The following CYFIP1 variants were observed in gnomAD, a reference collection of about 807,000 sequenced individuals.
CYFIP1 encodes the protein cytoplasmic FMR1-interacting protein 1.
Under a neutral mutation model 163.5 loss-of-function variants are expected in CYFIP1, and 58 were observed. That is an observed-to-expected ratio of 0.35 (90% confidence interval 0.29 to 0.44). The LOEUF (loss-of-function observed/expected upper bound fraction) is 0.44, where lower values mean the gene tolerates loss of function less well. CYFIP1 is among the 20% of genes least tolerant of loss of function. CYFIP1 has a pLI of 1.00. For missense variants in CYFIP1, 1,338 were observed against 1,653.8 expected (o/e 0.81, Z 3.31); for synonymous variants, 663 against 660.7 (o/e 1.00, Z -0.05).
At chr15:22,941,830 C>G (rs2061902580) in intron 6 of CYFIP1, among the ~76,000 whole-genome samples, 2 of 152,116 alleles carry the variant, frequency 1.3e-5, no homozygotes, top group South Asian at 4.1e-4. Context: ...CAACAACACA[C>G]ACACACAACT....
chr15:22,962,535 A>AT (rs1057032230), intron 1 of CYFIP1, among the ~76,000 whole-genome samples: 32 of 151,774 alleles, frequency 2.1e-4, no homozygotes, highest in African/African-American at 6.3e-4. Context: ...AGTAGCTGGG[A>AT]TTACAGGTGT....
chr15:22,873,024 T>C (rs759003057), intron 29 of CYFIP1, 52 bp from the exon 30 acceptor site: 6 of 1,594,114 alleles, frequency 3.8e-6, no homozygotes, highest in African/African-American at 1.3e-5. Flanking sequence ...CGTTATGAAG[T>C]CTTTTCTCAG....
At chr15:22,919,698 C>T (rs1488482125) in intron 13 of CYFIP1, among the ~76,000 whole-genome samples, 1 of 152,102 alleles carries the variant, frequency 6.6e-6, no homozygotes. Context: ...GAACGCTGTA[C>T]CTAAGACTAA....
chr15:22,925,759 CA>C (rs1295580471), intron 13 of CYFIP1, among the ~76,000 whole-genome samples: 3 of 152,144 alleles, frequency 2.0e-5, no homozygotes, highest in African/African-American at 7.2e-5. Flanking sequence ...GACGCAGGTC[CA>C]GGAGTCCAGA....
At chr15:22,948,317 C>G (rs539767968) in intron 1 of CYFIP1, among the ~76,000 whole-genome samples, 1 of 151,894 alleles carries the variant, frequency 6.6e-6, no homozygotes, top group South Asian at 2.1e-4. Flanking sequence ...ACACCCCAAA[C>G]CCTGAGACCA....
chr15:22,952,389 C>T (rs945072340), intron 1 of CYFIP1, among the ~76,000 whole-genome samples: 2 of 152,030 alleles, frequency 1.3e-5, no homozygotes, highest in Non-Finnish European at 2.9e-5. Context: ...GACGCGGTGG[C>T]TCCAGCCTAT....
Position 22,912,227 on chromosome 15 carries a change from C to A in CYFIP1, c.2034G>T (p.Ala678=). The A allele has an allele frequency of 1.2e-6, 2 of 1,614,042 alleles. No individual in the cohort carries two copies. Among genetic ancestry groups the A allele is most frequent in the South Asian group, 2.2e-5 (2 of 91,042 alleles). The part of the protein sequence containing the change: ...LDLYNDSAHY[A]LTRFNKQFLY... ...GGAACTGCTTGTTGAACCTGGTGAG[C>A]GCGTAGTGGGCGCTGTCATTGTACA... Residue 678 remains alanine, a synonymous_variant, in exon 18 of 31, where the codon GCG becomes GCT. Transcript: ENST00000617928.
In CYFIP1 at chr15:22,881,841, C is replaced by T; in HGVS notation, c.2911+5G>A. On this transcript the variant is annotated splice_donor_5th_base_variant and intron_variant, in intron 25 of 30. Coordinates refer to ENST00000617928, the MANE Select transcript of CYFIP1 (RefSeq NM_014608.6). ...GCACTGTGAGCTCCACACGCCCGCACTCACCAGGAGAGCCGTACTCGTGCC... is the reference window on the plus strand; with the variant it reads ...GCACTGTGAGCTCCACACGCCCGCATTCACCAGGAGAGCCGTACTCGTGCC... The T allele has an allele frequency of 6.2e-7, 1 of 1,609,824 alleles. No homozygotes were observed. The highest frequency in any genetic ancestry group is 8.5e-7 in the Non-Finnish European group (1 of 1,179,860).
chr15:22,963,496 T>TAACATAACATAACATAACATAACATAA (rs1567038118), intron 1 of CYFIP1, among the ~76,000 whole-genome samples: 2 of 23,776 alleles, frequency 8.4e-5, no homozygotes, highest in Non-Finnish European at 2.1e-4. Flanking sequence ...GTTTCAAAAA[T>TAACATAACATAACATAACATAACATAA]AACATAACAT....
In CYFIP1 at chr15:22,868,343, T is replaced by G. The variant is rs1440580034; in HGVS notation, c.*1685A>C. On this transcript the variant is annotated 3_prime_UTR_variant, in exon 31 of 31. Transcript: ENST00000617928. ...TCCCCCTTGAGGACAGAGACTCATTTGAACATGCATAGGTTAATAAATAAT... is the reference window on the plus strand; with the variant it reads ...TCCCCCTTGAGGACAGAGACTCATTGGAACATGCATAGGTTAATAAATAAT... 1 of 151,746 alleles carries G rather than the reference T, an allele frequency of 6.6e-6. No homozygotes were observed. The highest frequency in any genetic ancestry group is 1.5e-5 in the Non-Finnish European group (1 of 67,960). 9.4% of individuals were successfully genotyped at this position (151,746 alleles called of 1,614,324 possible).
At chr15:22,924,764 C>T (rs2061304209) in intron 13 of CYFIP1, among the ~76,000 whole-genome samples, 1 of 152,056 alleles carries the variant, frequency 6.6e-6, no homozygotes, top group East Asian at 1.9e-4. Context: ...TATGAAAAAC[C>T]TTATGTCAAA....
rs140052263 is a variant in CYFIP1, at chr15:22,872,151, C to T, written c.3597+674G>A. 0.033 allele frequency among the ~76,000 whole-genome samples: 5,017 copies of T among 151,818 alleles called. 353 individuals are homozygous for T. The East Asian group carries it at 0.35, about 11-fold the overall frequency. ...AAAATTACAAAATACAAAAATCAGC[C>T]GGGCGTGGTGGCAGGTGCCTATAAT... On this transcript the variant is annotated intron_variant, in intron 30 of 30. Transcript: ENST00000617928.
chr15:22,903,099 G>C (rs745962962), intron 22 of CYFIP1, among the ~76,000 whole-genome samples: 1 of 152,222 alleles, frequency 6.6e-6, no homozygotes, highest in Non-Finnish European at 1.5e-5. Context: ...CAGGCACCTT[G>C]CTTGGTGCCC....
chr15:22,925,936 G>A (rs758673443), intron 13 of CYFIP1, 46 bp downstream of exon 13: 6 of 1,599,292 alleles, frequency 3.8e-6, no homozygotes, highest in African/African-American at 2.7e-5. Flanking sequence ...AAGATGGTGT[G>A]AAGCTAGAGC....
chr15:22,883,044 T>G, intron 23 of CYFIP1, 33 bp from the exon 24 acceptor site: 1 of 1,607,936 alleles, frequency 6.2e-7, no homozygotes, highest in Non-Finnish European at 8.5e-7. Context: ...CTCAGCATGG[T>G]CCCCGCACAC....
chr15:22,944,685 A>G (rs766325647), intron 4 of CYFIP1, 26 bp from the exon 5 acceptor site: 20 of 1,598,814 alleles, frequency 1.3e-5, no homozygotes, highest in East Asian at 4.5e-5. Flanking sequence ...CAAGGATGAC[A>G]TAAGAGGCTT....
rs1344727730 is a variant in CYFIP1 at position 22,869,936 on chromosome 15, G to T, written c.*92C>A. On this transcript the variant is annotated 3_prime_UTR_variant, in exon 31 of 31. Coordinates refer to ENST00000617928, the MANE Select transcript of CYFIP1 (RefSeq NM_014608.6). ...AAAAGCACCCCCTTTAACAGGTACAGAGATACTGAAAAATAGTCCCTAAAA... is the reference window on the plus strand; with the variant it reads ...AAAAGCACCCCCTTTAACAGGTACATAGATACTGAAAAATAGTCCCTAAAA... The T allele has an allele frequency of 1.9e-5, 23 of 1,237,774 alleles. No homozygotes were observed. The highest frequency in any genetic ancestry group is 2.4e-5 in the Non-Finnish European group (22 of 929,474). The allele number at this position is 1,237,774 out of a possible 1,614,324, so 76.7% of individuals were successfully genotyped here.
chr15:22,921,921 T>C (rs1339293557), intron 13 of CYFIP1, among the ~76,000 whole-genome samples: 2 of 152,142 alleles, frequency 1.3e-5, no homozygotes, highest in African/African-American at 4.8e-5. Flanking sequence ...AGAAGTTAAC[T>C]TACAATTGAT....
chr15:22,939,147 G>A, intron 8 of CYFIP1, 45 bp downstream of exon 8: 1 of 1,611,596 alleles, frequency 6.2e-7, no homozygotes, highest in Non-Finnish European at 8.5e-7. Context: ...CAAGAGTAAG[G>A]CTGTCCCTCG....
Sources: gnomAD v4.1 joint callset for allele counts (sites outside exome capture counted in the v4.1 genomes callset) on GRCh38, gnomAD v4.1.1 for gene constraint, MANE v1.5 for transcripts, NCBI Gene and HGNC (gene_info 2026-07-23, HGNC 2026-07-21) for gene names.